ORC3: variants seen among roughly 807,000 people sequenced by gnomAD.
ORC3 encodes homolog of latheo, Drosophila.
ORC3 carries 78 observed loss-of-function variants against 100.7 expected under a neutral mutation model. The ratio of observed to expected loss-of-function variants is 0.77; its 90% CI spans 0.65 to 0.94. ORC3 has a LOEUF of 0.94. Ranked by LOEUF, ORC3 falls within the 40% of genes least tolerant of loss-of-function variation. The pLI, the probability that ORC3 is intolerant of heterozygous loss-of-function variation, is 0.00. For missense variants in ORC3, 789 were observed against 823.9 expected, an observed-to-expected ratio of 0.96 and a Z score of 0.52; for synonymous variants, 295 against 289.3, an observed-to-expected ratio of 1.02 and a Z score of -0.20.
intron 5 of ORC3, among the ~76,000 whole-genome samples, 163 bp downstream of exon 5, chr6:87,606,184 A>G (rs989130981): frequency 4.6e-5 from 7 of 152,136 alleles, no homozygotes; most frequent in African/African-American, 1.7e-4. Flanking sequence ...AATTGTGACT[A>G]TTACAGAACT....
chr6:87,606,045 A>C, intron 5 of ORC3, 24 bp downstream of exon 5: 1 of 1,194,092 alleles, frequency 8.4e-7, no homozygotes, highest in Non-Finnish European at 1.2e-6. Flanking sequence ...TGCCATAATA[A>C]CCTTGATGAG....
At chr6:87,615,225 A>G (rs750412482) in intron 8 of ORC3, among the ~76,000 whole-genome samples, 5 of 152,046 alleles carry the variant, frequency 3.3e-5, no homozygotes, top group Non-Finnish European at 5.9e-5. Context: ...AGACTTATTC[A>G]CTGTCATGAG....
chr6:87,654,842 A>T (rs148148580), intron 14 of ORC3, among the ~76,000 whole-genome samples: 198 of 152,300 alleles, frequency 1.3e-3, no homozygotes, highest in African/African-American at 4.0e-3. Context: ...TACATTTTTA[A>T]TTAGAGTTCA....
chr6:87,610,800 G>A (rs948431277), intron 7 of ORC3, among the ~76,000 whole-genome samples: 3 of 142,622 alleles, frequency 2.1e-5, no homozygotes, highest in East Asian at 2.0e-4. Context: ...TGATCCACCC[G>A]CCTCGGCCTC....
intron 18 of ORC3, among the ~76,000 whole-genome samples, chr6:87,665,116 A>G (rs1770495235): frequency 1.3e-5 from 2 of 152,224 alleles, no homozygotes; most frequent in Admixed American, 6.5e-5. Flanking sequence ...CTAGGTCAAA[A>G]TAAGTATGTG....
intron 11 of ORC3, among the ~76,000 whole-genome samples, chr6:87,629,107 A>G (rs796887576): frequency 6.6e-6 from 1 of 152,236 alleles, no homozygotes; most frequent in South Asian, 2.1e-4. Flanking sequence ...CATTCTTATT[A>G]GATAGCAGTA....
At chr6:87,614,663 C>G (rs1318961447) in intron 8 of ORC3, among the ~76,000 whole-genome samples, 1 of 152,180 alleles carries the variant, frequency 6.6e-6, no homozygotes, top group Non-Finnish European at 1.5e-5. Context: ...AATCATCTCC[C>G]TCAAGTTCAA....
At chr6:87,665,213 G>A (rs1007887398) in intron 18 of ORC3, among the ~76,000 whole-genome samples, 2 of 152,038 alleles carry the variant, frequency 1.3e-5, no homozygotes, top group African/African-American at 4.8e-5. Flanking sequence ...TTATTAACTA[G>A]CATTTCTCTT....
intron 11 of ORC3, among the ~76,000 whole-genome samples, chr6:87,625,950 C>T (rs1190814258): frequency 6.6e-6 from 1 of 152,180 alleles, no homozygotes; most frequent in Non-Finnish European, 1.5e-5. Context: ...GGAATCCTTT[C>T]TCCATTGCTT....
intron 11 of ORC3, among the ~76,000 whole-genome samples, chr6:87,625,539 G>T (rs1209477386): frequency 6.6e-6 from 1 of 151,974 alleles, no homozygotes; most frequent in African/African-American, 2.4e-5. Context: ...TTTTTGATGG[G>T]GTTATTTTTT....
intron 4 of ORC3, among the ~76,000 whole-genome samples, chr6:87,605,478 C>A (rs141289359): frequency 2.5e-4 from 38 of 152,200 alleles, no homozygotes; most frequent in African/African-American, 9.1e-4. Context: ...TGGTGAAACC[C>A]TGTCTCTATT....
At chr6:87,598,039 T>C (rs1277848740) in intron 2 of ORC3, among the ~76,000 whole-genome samples, 1 of 152,182 alleles carries the variant, frequency 6.6e-6, no homozygotes, top group Non-Finnish European at 1.5e-5. Flanking sequence ...CCAGACTGTT[T>C]TGTTTTTCAA....
rs370143904 is a variant in ORC3 at position 87,664,761 on chromosome 6, G to A, written c.1852G>A (p.Glu618Lys). ...TTGTTAGAATGAAGCACTGAAAAGC[G>A]AAGAAGGCTGCATTCCGAATATCGC... ...YYLKNEALKS[E>K]EGCIPNIAPD... Residue 618 changes from glutamate (E) to lysine (K), a missense_variant, in exon 18 of 20, where the codon GAA (glutamate) becomes AAA (lysine). By Grantham distance (56) the Glu-to-Lys change is moderately conservative. This residue lies in a region of ORC3 where 366 missense variants were observed against 394.2 expected (regional missense o/e 0.93). Coordinates refer to ENST00000392844, the MANE Select transcript of ORC3 (RefSeq NM_012381.4). 2.1e-5 allele frequency: 34 copies of A among 1,613,842 alleles called. No individual in the cohort carries two copies. The highest frequency in any genetic ancestry group is 5.0e-5 in the Admixed American group (3 of 59,984).
intron 13 of ORC3, among the ~76,000 whole-genome samples, chr6:87,640,885 A>G (rs985019231): frequency 6.6e-6 from 1 of 152,188 alleles, no homozygotes; most frequent in Non-Finnish European, 1.5e-5. Flanking sequence ...GCAGATCACA[A>G]GATCAGGAGA....
At chr6:87,631,384 T>A (rs1178569490) in intron 11 of ORC3, among the ~76,000 whole-genome samples, 1 of 152,188 alleles carries the variant, frequency 6.6e-6, no homozygotes, top group Non-Finnish European at 1.5e-5. Context: ...CTATGACTAG[T>A]GTGCAGAAAA....
At chr6:87,669,819 T>C (rs943152063), downstream of ORC3, among the ~76,000 whole-genome samples, 1 of 152,232 alleles carries the variant, frequency 6.6e-6, no homozygotes, top group Non-Finnish European at 1.5e-5. Context: ...GGTAAGGAAG[T>C]TGGCAACAGG....
chr6:87,605,918 T>C lies in ORC3; in HGVS notation c.324T>C (p.Gly108=), dbSNP rs747732402. 2.0e-6 allele frequency: 3 copies of C among 1,533,450 alleles called. No individual in the cohort carries two copies. The South Asian group carries it at 3.4e-5, about 17-fold the overall frequency. The allele number at this position is 1,533,450 out of a possible 1,614,324, so 95.0% of individuals were successfully genotyped here. The change falls in exon 5 of 20, where the codon GGT becomes GGC. Residue 108 remains glycine (G), a splice_region_variant and synonymous_variant. Transcript: ENST00000392844. ...REIPTAALVL[G]VNVTDHDLTF... ...TAATATTGATGTATTATCTCATAGG[T>C]GTGAATGTCACAGATCATGATTTGA... is the stretch of plus-strand genomic sequence containing the variant.
the ORC3 span, among the ~76,000 whole-genome samples, chr6:87,676,415 A>G: frequency 3.4e-4 from 46 of 136,766 alleles, no homozygotes; most frequent in African/African-American, 1.2e-3. Flanking sequence ...GCAGTGAGCC[A>G]AGAACGCGCC....
chr6:87,651,076 A>T, intron 13 of ORC3: 1 of 430,982 alleles, frequency 2.3e-6, no homozygotes, highest in Non-Finnish European at 4.7e-6. Flanking sequence ...ACATCTGAGT[A>T]CCTTCTCCAA....
Sources: allele counts gnomAD v4.1 joint callset (sites outside exome capture counted in the v4.1 genomes callset), GRCh38; gene constraint gnomAD v4.1.1; regional missense constraint gnomAD v4.1.1; transcripts MANE v1.5; gene names NCBI Gene and HGNC (gene_info 2026-07-23, HGNC 2026-07-21).